PTGER4: variants seen among roughly 807,000 people sequenced by gnomAD.
The protein encoded by PTGER4 is prostaglandin E2 receptor EP4 subtype.
Under a neutral mutation model 33.2 loss-of-function variants are expected in PTGER4, and 11 were observed. That is an observed-to-expected ratio of 0.33 (90% CI 0.21 to 0.55). The LOEUF (loss-of-function observed/expected upper bound fraction) is 0.55, where lower values mean the gene tolerates loss of function less well. PTGER4 is among the 20% of genes least tolerant of loss of function. PTGER4 has a pLI of 0.92. For missense variants in PTGER4, 481 were observed against 650.2 expected (o/e 0.74, Z 2.83); for synonymous variants, 275 against 281.5 (o/e 0.98, Z 0.23).
chr5:40,698,092 C>CAAAA (rs1156254550), downstream of PTGER4, among the ~76,000 whole-genome samples: 31 of 40,048 alleles, frequency 7.7e-4, 1 homozygote, highest in African/African-American at 2.9e-3. Flanking sequence ...CCTGTCTCTA[C>CAAAA]AAAAAAAAAA....
the PTGER4 span, among the ~76,000 whole-genome samples, chr5:40,725,141 C>A: frequency 1.3e-5 from 2 of 151,648 alleles, no homozygotes; most frequent in Non-Finnish European, 2.9e-5. Flanking sequence ...AGCCACCATG[C>A]CCAGCCAAAT....
At chr5:40,739,395 G>T in the PTGER4 span, among the ~76,000 whole-genome samples, 1 of 152,240 alleles carries the variant, frequency 6.6e-6, no homozygotes, top group African/African-American at 2.4e-5. Flanking sequence ...GCATTGATAT[G>T]GTTTGGATCT....
the PTGER4 span, chr5:40,728,353 T>C: frequency 1.3e-6 from 2 of 1,592,786 alleles, no homozygotes; most frequent in Non-Finnish European, 1.7e-6. Flanking sequence ...ACCAGGATTA[T>C]CTCTCCTAAA....
chr5:40,708,097 C>T, the PTGER4 span, among the ~76,000 whole-genome samples: 1 of 152,178 alleles, frequency 6.6e-6, no homozygotes, highest in Admixed American at 6.5e-5. Flanking sequence ...CTAAAATTCA[C>T]ATCCTAACAT....
chr5:40,699,112 A>G, the PTGER4 span, among the ~76,000 whole-genome samples: 4 of 152,162 alleles, frequency 2.6e-5, no homozygotes, highest in Non-Finnish European at 5.9e-5. Context: ...CAGTAATGAC[A>G]TCAGGTACAA....
chr5:40,696,113 G>T (rs369316748), downstream of PTGER4, among the ~76,000 whole-genome samples: 8 of 152,226 alleles, frequency 5.3e-5, no homozygotes, highest in South Asian at 1.7e-3. Flanking sequence ...TTGACCAAGG[G>T]ACCACAGAAT....
chr5:40,686,288 T>G (rs1366515017), intron 2 of PTGER4, among the ~76,000 whole-genome samples: 2 of 152,240 alleles, frequency 1.3e-5, no homozygotes, highest in East Asian at 3.8e-4. Context: ...CATTACTAAA[T>G]CTAATCAAGA....
At chr5:40,682,073 C>T (rs1741210297) in intron 2 of PTGER4, among the ~76,000 whole-genome samples, 1 of 152,074 alleles carries the variant, frequency 6.6e-6, no homozygotes, top group Admixed American at 6.5e-5. Context: ...GCCCCTACAT[C>T]CCCCAGTTTA....
At chr5:40,698,997 T>C in the PTGER4 span, among the ~76,000 whole-genome samples, 35 of 152,290 alleles carry the variant, frequency 2.3e-4, no homozygotes, top group African/African-American at 7.2e-4. Flanking sequence ...CTTCTAGTAA[T>C]GTACCCATGG....
rs968969865 is a variant in PTGER4, at chr5:40,692,852, T to C, written c.*474T>C. 9 of 985,110 alleles carry C rather than the reference T, an allele frequency of 9.1e-6. No individual in the cohort carries two copies. The East Asian group carries it at 1.0e-3, about 110-fold the overall frequency. 61.0% of individuals were successfully genotyped at this position (985,110 alleles called of 1,614,324 possible). A position where few individuals can be genotyped will look rare whatever the true frequency, so the allele number is the denominator to read the frequency against. Reference sequence around the variant, plus strand: ...ATACGATTTAAGGTATTTAAAGTATTTTCTTCTCTGTGAGAAGGTTTATTG... The same window carrying C: ...ATACGATTTAAGGTATTTAAAGTATCTTCTTCTCTGTGAGAAGGTTTATTG... On this transcript the variant is annotated 3_prime_UTR_variant, in exon 3 of 3. Transcript: ENST00000302472.
chr5:40,699,030 G>A, the PTGER4 span, among the ~76,000 whole-genome samples: 1 of 152,114 alleles, frequency 6.6e-6, no homozygotes, highest in Non-Finnish European at 1.5e-5. Context: ...TATTCTTGCC[G>A]AAAAATTGAA....
chr5:40,687,288 G>T (rs934355566), intron 2 of PTGER4, among the ~76,000 whole-genome samples: 1 of 151,810 alleles, frequency 6.6e-6, no homozygotes, highest in Non-Finnish European at 1.5e-5. Flanking sequence ...CAGGTGATCC[G>T]CCTGCCTCAG....
the PTGER4 span, among the ~76,000 whole-genome samples, chr5:40,713,907 G>A: frequency 5.3e-4 from 81 of 152,188 alleles, no homozygotes; most frequent in East Asian, 0.011. Context: ...TTCTCTTCAC[G>A]CATAGAAGAG....
Position 40,680,562 on chromosome 5 carries a change from A to C in PTGER4, c.-44+84A>C. ...CTCGCCGAAGAGAGCCAAGAAGGGAAGAGCGCGCTCTCCAAATTGCTTTTG... is the reference window on the plus strand; with the variant it reads ...CTCGCCGAAGAGAGCCAAGAAGGGACGAGCGCGCTCTCCAAATTGCTTTTG... On this transcript the variant is annotated intron_variant, in intron 1 of 2. Coordinates refer to ENST00000302472, the MANE Select transcript of PTGER4 (RefSeq NM_000958.3). This position sits in a 1 kb window ranked among gnomAD's most constrained non-coding sequence, Gnocchi z 5.5. 1 of 158,756 alleles carries C rather than the reference A, an allele frequency of 6.3e-6. No individual in the cohort carries two copies. The highest frequency in any genetic ancestry group is 1.4e-5 in the Non-Finnish European group (1 of 71,670). The allele number at this position is 158,756 out of a possible 1,614,324, so 9.8% of individuals were successfully genotyped here.
chr5:40,738,210 G>C, the PTGER4 span, among the ~76,000 whole-genome samples: 6 of 152,130 alleles, frequency 3.9e-5, no homozygotes, highest in East Asian at 1.2e-3. Context: ...TCAGGAGTTT[G>C]AGATCAGGCT....
chr5:40,716,167 G>A, the PTGER4 span: 2 of 1,607,732 alleles, frequency 1.2e-6, no homozygotes, highest in Non-Finnish European at 8.5e-7. Flanking sequence ...GATAAAAACA[G>A]AGCCATCTGG....
At chr5:40,718,888 G>A in the PTGER4 span, among the ~76,000 whole-genome samples, 3 of 152,138 alleles carry the variant, frequency 2.0e-5, no homozygotes, top group East Asian at 3.9e-4. Context: ...GCAACAGAGC[G>A]AGACTGTCTC....
chr5:40,723,600 C>CA, the PTGER4 span, among the ~76,000 whole-genome samples: 4 of 151,918 alleles, frequency 2.6e-5, no homozygotes, highest in African/African-American at 9.7e-5. Context: ...TGCGGTGACT[C>CA]ACACCTATAA....
At chr5:40,740,173 T>A in the PTGER4 span, among the ~76,000 whole-genome samples, 1 of 152,058 alleles carries the variant, frequency 6.6e-6, no homozygotes, top group Non-Finnish European at 1.5e-5. Context: ...GTCAATTATC[T>A]TTTTAAAGAA....
Sources: allele counts gnomAD v4.1 joint callset (sites outside exome capture counted in the v4.1 genomes callset), GRCh38; gene constraint gnomAD v4.1.1; non-coding constraint Gnocchi (gnomAD v3.1); transcripts MANE v1.5; gene names NCBI Gene and HGNC (gene_info 2026-07-23, HGNC 2026-07-21).